R3HDM2: variants seen among roughly 807,000 people sequenced by gnomAD.
R3HDM2 encodes the protein R3H domain containing 2.
R3HDM2 carries 38 observed loss-of-function variants against 124.5 expected under a neutral mutation model. The ratio of observed to expected loss-of-function variants is 0.31; its 90% CI spans 0.24 to 0.40. The LOEUF (loss-of-function observed/expected upper bound fraction) is 0.40, where lower values mean the gene tolerates loss of function less well. Ranked by LOEUF, R3HDM2 falls within the 10% of genes least tolerant of loss-of-function variation. The pLI is 1.00. For synonymous variants in R3HDM2, 391 were observed against 448.0 expected (o/e 0.87, Z 1.61); for missense variants, 869 against 1,236.9 (o/e 0.70, Z 4.46).
rs545613776 is a variant in R3HDM2 at position 57,430,004 on chromosome 12, G to A, written c.-106+716C>T. Among the ~76,000 whole-genome samples, 9 of 152,216 alleles carry A rather than the reference G, an allele frequency of 5.9e-5. No homozygotes were observed. In the South Asian group the frequency reaches 1.7e-3, roughly 28 times the overall value. On this transcript the variant is annotated intron_variant, in intron 1 of 23. Coordinates refer to ENST00000402412, the MANE Select transcript of R3HDM2 (RefSeq NM_001394031.1). ...TCTATTTGAACAACATTATGTACAA[G>A]GATATTCATCCAACTGGGATCTGAA...
rs112236890 is a variant in R3HDM2, at chr12:57,323,067, C to CA, written c.-35-12605dup. On this transcript the variant is annotated intron_variant, in intron 2 of 23. Coordinates refer to ENST00000402412, the MANE Select transcript of R3HDM2 (RefSeq NM_001394031.1). ...TATCTCCACTTTATAAAAAAGATAC[C>CA]AAAAAAAATAAAGATATCAACACTC... 3.5e-3 allele frequency among the ~76,000 whole-genome samples: 536 copies of CA among 151,286 alleles called. 3 individuals carry two copies. The highest frequency in any genetic ancestry group is 0.011 in the African/African-American group (445 of 41,222).
chr12:57,426,069 A>T (rs1398202187), intron 1 of R3HDM2, among the ~76,000 whole-genome samples: 1 of 152,140 alleles, frequency 6.6e-6, no homozygotes, highest in Non-Finnish European at 1.5e-5. Flanking sequence ...ATCTACTAAA[A>T]ATACAAAAAT....
chr12:57,415,626 T>G (rs1021331274), intron 1 of R3HDM2, among the ~76,000 whole-genome samples: 3 of 149,512 alleles, frequency 2.0e-5, no homozygotes, highest in African/African-American at 7.4e-5. Flanking sequence ...TGAAGAAATC[T>G]AGCAGATATC....
chr12:57,356,022 T>C (rs559955654), intron 2 of R3HDM2, among the ~76,000 whole-genome samples: 1 of 152,314 alleles, frequency 6.6e-6, no homozygotes, highest in Admixed American at 6.5e-5. Flanking sequence ...GGAAAACTGT[T>C]TTTCCCTTTT....
chr12:57,386,766 T>C (rs1476519941), intron 2 of R3HDM2, among the ~76,000 whole-genome samples: 1 of 152,196 alleles, frequency 6.6e-6, no homozygotes, highest in Admixed American at 6.5e-5. Flanking sequence ...TCTTTATGTC[T>C]AGCTAAGGGA....
At chr12:57,264,223 CAGAG>C (rs1230875720) in intron 19 of R3HDM2, among the ~76,000 whole-genome samples, 2 of 137,800 alleles carry the variant, frequency 1.5e-5, no homozygotes, top group Admixed American at 7.7e-5. Context: ...GCCTGGGCGA[CAGAG>C]AGAGACTCTG....
chr12:57,287,510 A>C (rs1174329284), intron 12 of R3HDM2, among the ~76,000 whole-genome samples: 1 of 152,154 alleles, frequency 6.6e-6, no homozygotes, highest in Non-Finnish European at 1.5e-5. Flanking sequence ...GAGATGGAAA[A>C]TCCTCTACCC....
At chr12:57,307,013 T>G (rs1358419501) in intron 3 of R3HDM2, among the ~76,000 whole-genome samples, 1 of 151,900 alleles carries the variant, frequency 6.6e-6, no homozygotes, top group Non-Finnish European at 1.5e-5. Flanking sequence ...AGACTCCATT[T>G]CAAAACAAAA....
chr12:57,385,310 TG>T (rs2065562172), intron 2 of R3HDM2, among the ~76,000 whole-genome samples: 1 of 148,214 alleles, frequency 6.7e-6, no homozygotes, highest in African/African-American at 2.5e-5. Context: ...TGGCGCAATC[TG>T]GCTCACTGCA....
chr12:57,316,249 G>A (rs1360944013), intron 2 of R3HDM2, among the ~76,000 whole-genome samples: 1 of 152,186 alleles, frequency 6.6e-6, no homozygotes, highest in Non-Finnish European at 1.5e-5. Context: ...ATCTAACCCA[G>A]ATTTCTTTTG....
chr12:57,413,845 C>A (rs56152729), intron 1 of R3HDM2, among the ~76,000 whole-genome samples: 27,432 of 121,302 alleles, frequency 0.23, 3,034 homozygotes, highest in Admixed American at 0.39. Context: ...GTAATCCCCC[C>A]CCTTTTTTTT....
At chr12:57,279,540 T>C (rs757141040) in intron 14 of R3HDM2, among the ~76,000 whole-genome samples, 19 of 150,818 alleles carry the variant, frequency 1.3e-4, no homozygotes, top group Non-Finnish European at 1.0e-4. Context: ...TGGTGGCTCA[T>C]GCCTGTAATC....
intron 2 of R3HDM2, among the ~76,000 whole-genome samples, chr12:57,342,180 C>G (rs1258818924): frequency 6.6e-6 from 1 of 152,120 alleles, no homozygotes; most frequent in South Asian, 2.1e-4. Context: ...CCAGATGGAT[C>G]TGTACTTACA....
At chr12:57,384,287 G>A (rs975258856) in intron 2 of R3HDM2, among the ~76,000 whole-genome samples, 7 of 151,516 alleles carry the variant, frequency 4.6e-5, no homozygotes, top group African/African-American at 1.7e-4. Flanking sequence ...CCGGGAGGCA[G>A]AGCTTGCAGT....
intron 1 of R3HDM2, chr12:57,430,509 C>T (rs2139793202): frequency 1.0e-6 from 1 of 983,268 alleles, no homozygotes; most frequent in Non-Finnish European, 1.2e-6. Context: ...CGCCGCCCTC[C>T]GCCCCGCGCC....
At chr12:57,380,661 T>C (rs7974241) in intron 2 of R3HDM2, among the ~76,000 whole-genome samples, 221 of 152,192 alleles carry the variant, frequency 1.5e-3, no homozygotes, top group African/African-American at 4.8e-3. Context: ...ATGAACAAAA[T>C]ACAAATATGA....
In R3HDM2 at chr12:57,254,074, T is replaced by G. The variant is rs1236469475; in HGVS notation, c.*699A>C. The stretch of plus-strand genomic sequence containing the variant: ...AATTCTGTCCATATAAATATATTCA[T>G]AAAGACCAAAAAAGGAAAGGAAGCT... On this transcript the variant is annotated 3_prime_UTR_variant, in exon 24 of 24. Transcript: ENST00000402412. 2.4e-6 allele frequency: 1 copy of G among 423,774 alleles called. No individual in the cohort carries two copies. Among genetic ancestry groups the G allele is most frequent in the Non-Finnish European group, 4.6e-6 (1 of 218,948 alleles). The allele number at this position is 423,774 out of a possible 1,614,324, so 26.3% of individuals were successfully genotyped here. A position where few individuals can be genotyped will look rare whatever the true frequency, so the allele number is the denominator to read the frequency against.
intron 2 of R3HDM2, among the ~76,000 whole-genome samples, chr12:57,370,478 T>C (rs1306535722): frequency 7.0e-6 from 1 of 142,168 alleles, no homozygotes; most frequent in Non-Finnish European, 1.5e-5. Flanking sequence ...CCATCTCTAC[T>C]AAAAATACAA....
chr12:57,405,247 GC>G (rs1000838786), intron 1 of R3HDM2, among the ~76,000 whole-genome samples: 1 of 152,012 alleles, frequency 6.6e-6, no homozygotes, highest in African/African-American at 2.4e-5. Context: ...GACTAGGCTG[GC>G]TTTTATACTT....
Sources: allele counts gnomAD v4.1 joint callset (sites outside exome capture counted in the v4.1 genomes callset), GRCh38; gene constraint gnomAD v4.1.1; transcripts MANE v1.5; gene names NCBI Gene and HGNC (gene_info 2026-07-23, HGNC 2026-07-21).